The following KRAS variants were observed in gnomAD, a reference collection of about 807,000 sequenced individuals.
The protein encoded by KRAS is GTPase KRas.
In KRAS, 1 loss-of-function variant was observed where a neutral mutation model predicts 21.0. That is an observed-to-expected ratio of 0.05 (90% CI 0.02 to 0.23). The LOEUF (loss-of-function observed/expected upper bound fraction) is 0.23. Among genes scored for constraint, KRAS ranks in the 10% least tolerant of loss-of-function variants. The probability of loss-of-function intolerance (pLI) is 1.00; values close to 1 mark genes in which losing one functional copy is unlikely to be tolerated. For missense variants in KRAS, 107 were observed against 221.8 expected (o/e 0.48, Z 3.29); for synonymous variants, 67 against 72.5 (o/e 0.92, Z 0.39).
rs886049181 is a variant in KRAS, at chr12:25,206,296, G to A, written c.*3499C>T. Reference sequence around the variant, plus strand: ...GACTCAGTTAAATAGAGCCTAGAATGCCTACTTGGGAACATTCACTCAAAT... The same window carrying A: ...GACTCAGTTAAATAGAGCCTAGAATACCTACTTGGGAACATTCACTCAAAT... On this transcript the variant is annotated 3_prime_UTR_variant, in exon 5 of 5. Transcript: ENST00000311936. The A allele has an allele frequency of 4.8e-5, 10 of 207,542 alleles. No homozygotes were observed. The highest frequency in any genetic ancestry group is 1.9e-4 in the South Asian group (1 of 5,282). 12.9% of individuals were successfully genotyped at this position (207,542 alleles called of 1,614,324 possible). A position where few individuals can be genotyped will look rare whatever the true frequency, so the allele number is the denominator to read the frequency against.
chr12:25,224,417 A>C (rs1251445196), intron 4 of KRAS, among the ~76,000 whole-genome samples: 1 of 152,092 alleles, frequency 6.6e-6, no homozygotes, highest in East Asian at 1.9e-4. Flanking sequence ...TTTTTAACAA[A>C]AAAGTTTAAT....
chr12:25,224,993 T>C (rs1157835352), intron 4 of KRAS: 1 of 152,108 alleles, frequency 6.6e-6, no homozygotes, highest in African/African-American at 2.4e-5. Flanking sequence ...TATTTTATTT[T>C]ACCTGAAGAA....
chr12:25,227,774 T>C (rs772157010), intron 2 of KRAS, among the ~76,000 whole-genome samples: 4 of 152,320 alleles, frequency 2.6e-5, no homozygotes, highest in South Asian at 4.1e-4. Context: ...GGTGATGCCA[T>C]TGTGGAAAAC....
chr12:25,238,909 T>C (rs1025420149), intron 2 of KRAS, among the ~76,000 whole-genome samples: 32 of 152,222 alleles, frequency 2.1e-4, no homozygotes, highest in African/African-American at 7.0e-4. Flanking sequence ...AATCCTTGGA[T>C]AAATTTCAAG....
intron 4 of KRAS, among the ~76,000 whole-genome samples, chr12:25,221,826 C>T (rs190094236): frequency 1.4e-4 from 22 of 152,156 alleles, no homozygotes; most frequent in Middle Eastern, 6.8e-3. Flanking sequence ...CGATAAAATA[C>T]AACAAGGATA....
intron 2 of KRAS, among the ~76,000 whole-genome samples, chr12:25,236,935 G>A (rs1468620988): frequency 6.6e-6 from 1 of 151,972 alleles, no homozygotes; most frequent in Non-Finnish European, 1.5e-5. Flanking sequence ...ACACAAAAAC[G>A]TGTACATAAA....
At chr12:25,227,150 T>C in intron 3 of KRAS, 84 bp downstream of exon 3, 1 of 887,428 alleles carries the variant, frequency 1.1e-6, no homozygotes, top group Non-Finnish European at 1.7e-6. Context: ...TTAAATATTA[T>C]ATGCATGGCA....
chr12:25,209,144 A>C lies in KRAS; in HGVS notation c.*651T>G, dbSNP rs962378964. The C allele has an allele frequency of 1.6e-6, 1 of 636,486 alleles. No homozygotes were observed. 39.4% of individuals were successfully genotyped at this position (636,486 alleles called of 1,614,324 possible). The stretch of plus-strand genomic sequence containing the variant: ...TCTAATGTGAAAAGGAAATGGCCTT[A>C]TAATAGTTTCCATTGCCTTGTAATT... On this transcript the variant is annotated 3_prime_UTR_variant, in exon 5 of 5. Coordinates refer to ENST00000311936, the MANE Select transcript of KRAS (RefSeq NM_004985.5).
chr12:25,237,678 T>C lies in KRAS; in HGVS notation c.111+7596A>G, dbSNP rs372816659. 4.6e-5 allele frequency among the ~76,000 whole-genome samples: 7 copies of C among 152,336 alleles called. No homozygotes were observed. The East Asian group carries it at 9.6e-4, about 21-fold the overall frequency. On this transcript the variant is annotated intron_variant, in intron 2 of 4. Transcript: ENST00000311936. ...TTATCTCACATCTTCTCTAAGCTAT[T>C]GTTCCTTCAGCTGTGAAAGTAGGTA...
chr12:25,226,396 A>G (rs556988410), intron 3 of KRAS, among the ~76,000 whole-genome samples: 1 of 152,324 alleles, frequency 6.6e-6, no homozygotes, highest in Admixed American at 6.5e-5. Flanking sequence ...GGAGCAGAGC[A>G]GACAACAGAG....
chr12:25,225,445 C>A (rs754519740), intron 4 of KRAS, 169 bp downstream of exon 4: 8 of 654,708 alleles, frequency 1.2e-5, no homozygotes, highest in Non-Finnish European at 1.8e-5. Flanking sequence ...AAAAGCAGTA[C>A]CATGGACACT....
intron 4 of KRAS, among the ~76,000 whole-genome samples, chr12:25,217,092 A>G (rs540760323): frequency 6.6e-5 from 10 of 152,330 alleles, no homozygotes; most frequent in Non-Finnish European, 1.3e-4. Context: ...CAAATGTAAC[A>G]AAGTGGACCT....
chr12:25,209,509 T>G lies in KRAS; in HGVS notation c.*286A>C. ...CACAATTGGTAAGAAAAATAAGAAG[T>G]AATCAACTGCATGCACCAAAAGCCC... is the stretch of plus-strand genomic sequence containing the variant. On this transcript the variant is annotated 3_prime_UTR_variant, in exon 5 of 5. Coordinates refer to ENST00000311936, the MANE Select transcript of KRAS (RefSeq NM_004985.5). 1 of 1,308,116 alleles carries G rather than the reference T, an allele frequency of 7.6e-7. No individual in the cohort carries two copies. Among genetic ancestry groups the G allele is most frequent in the East Asian group, 2.9e-5 (1 of 33,922 alleles). The allele number at this position is 1,308,116 out of a possible 1,614,324, so 81.0% of individuals were successfully genotyped here. A position where few individuals can be genotyped will look rare whatever the true frequency, so the allele number is the denominator to read the frequency against.
At chr12:25,227,956 G>A (rs566414880) in intron 2 of KRAS, among the ~76,000 whole-genome samples, 3 of 152,234 alleles carry the variant, frequency 2.0e-5, no homozygotes, top group African/African-American at 7.2e-5. Context: ...TTAAGTGTCT[G>A]TTAACAGATG....
intron 3 of KRAS, among the ~76,000 whole-genome samples, chr12:25,226,753 G>A (rs1303174906): frequency 6.6e-6 from 1 of 152,090 alleles, no homozygotes; most frequent in Non-Finnish European, 1.5e-5. Flanking sequence ...AGATTTAAGA[G>A]AACTGTAATG....
rs368561619 is a variant in KRAS, at chr12:25,247,270, T to C, written c.-11-1875A>G. Among the ~76,000 whole-genome samples the C allele has an allele frequency of 8.5e-5, 13 of 152,316 alleles. 1 individual carries two copies. The South Asian group carries it at 1.0e-3, about 12-fold the overall frequency. Reference sequence around the variant, plus strand: ...ACACTAAATATACACAGCATCATAATTGACTGAAGACCCAAAATAATAATT... The same window carrying C: ...ACACTAAATATACACAGCATCATAACTGACTGAAGACCCAAAATAATAATT... On this transcript the variant is annotated intron_variant, in intron 1 of 4. Transcript: ENST00000311936.
At chr12:25,215,438 A>G in intron 4 of KRAS, 1 of 1,613,358 alleles carries the variant, frequency 6.2e-7, no homozygotes, top group South Asian at 1.1e-5. Context: ...TAAACTTACC[A>G]GATTACATTA....
intron 1 of KRAS, among the ~76,000 whole-genome samples, chr12:25,249,210 C>T (rs1425617417): frequency 6.6e-6 from 1 of 152,168 alleles, no homozygotes; most frequent in Non-Finnish European, 1.5e-5. Flanking sequence ...GCCTGACCAA[C>T]ATGGTGAAAC....
At chr12:25,224,455 T>C (rs576986060) in intron 4 of KRAS, among the ~76,000 whole-genome samples, 1 of 151,930 alleles carries the variant, frequency 6.6e-6, no homozygotes, top group East Asian at 1.9e-4. Flanking sequence ...AAATTTTAAA[T>C]ATGGAAAAAA....
Sources: gnomAD v4.1 joint callset for allele counts (sites outside exome capture counted in the v4.1 genomes callset) on GRCh38, gnomAD v4.1.1 for gene constraint, MANE v1.5 for transcripts, NCBI Gene and HGNC (gene_info 2026-07-23, HGNC 2026-07-21) for gene names.